TMEM45A: variants seen among roughly 807,000 people sequenced by gnomAD.
The protein encoded by TMEM45A is transmembrane protein 45A, also known as DNA polymerase-transactivated protein 4.
In TMEM45A, 25 loss-of-function variants were observed where a neutral mutation model predicts 32.0. The ratio of observed to expected loss-of-function variants is 0.78; its 90% CI spans 0.57 to 1.09. TMEM45A has a LOEUF of 1.09. Among genes scored for constraint, TMEM45A ranks in the 50% least tolerant of loss-of-function variants. The pLI is 0.00. For missense variants in TMEM45A, 302 were observed against 325.0 expected, an observed-to-expected ratio of 0.93 and a Z score of 0.54; for synonymous variants, 122 against 114.8, an observed-to-expected ratio of 1.06 and a Z score of -0.40.
chr3:100,565,991 T>A (rs1324049064), intron 4 of TMEM45A, among the ~76,000 whole-genome samples: 1 of 152,206 alleles, frequency 6.6e-6, no homozygotes, highest in African/African-American at 2.4e-5. Flanking sequence ...AATATTTGTC[T>A]AGTCTAGATA....
At chr3:100,538,223 C>T (rs1705781820) in intron 1 of TMEM45A, among the ~76,000 whole-genome samples, 1 of 152,160 alleles carries the variant, frequency 6.6e-6, no homozygotes, top group Non-Finnish European at 1.5e-5. Flanking sequence ...TATCATATCC[C>T]ATCTTTGCTC....
At chr3:100,522,483 T>G (rs1705454978) in intron 1 of TMEM45A, among the ~76,000 whole-genome samples, 1 of 152,196 alleles carries the variant, frequency 6.6e-6, no homozygotes, top group Non-Finnish European at 1.5e-5. Context: ...TTTGAGAGAC[T>G]TCAATCTCCT....
At chr3:100,537,521 A>G (rs112781333) in intron 1 of TMEM45A, among the ~76,000 whole-genome samples, 1 of 152,348 alleles carries the variant, frequency 6.6e-6, no homozygotes, top group African/African-American at 2.4e-5. Context: ...TTCCTTCCCA[A>G]GGTGGTCCCT....
At chr3:100,498,634 C>T (rs1437967045) in intron 1 of TMEM45A, among the ~76,000 whole-genome samples, 2 of 152,122 alleles carry the variant, frequency 1.3e-5, no homozygotes, top group Non-Finnish European at 2.9e-5. Context: ...ACCCGGGCCT[C>T]TAATTAATAC....
At chr3:100,536,347 C>G (rs1423656290) in intron 1 of TMEM45A, among the ~76,000 whole-genome samples, 1 of 152,164 alleles carries the variant, frequency 6.6e-6, no homozygotes, top group Non-Finnish European at 1.5e-5. Context: ...TATTTCCAAC[C>G]AGCTCCCACT....
chr3:100,543,393 A>G (rs1327691201), intron 1 of TMEM45A, among the ~76,000 whole-genome samples: 1 of 152,194 alleles, frequency 6.6e-6, no homozygotes, highest in Non-Finnish European at 1.5e-5. Flanking sequence ...ATTGTGTCAT[A>G]TGTGCATTTT....
chr3:100,572,350 G>C (rs1258915551), intron 5 of TMEM45A: 1 of 152,154 alleles, frequency 6.6e-6, no homozygotes, highest in Non-Finnish European at 1.5e-5. Flanking sequence ...CTGATGGCCA[G>C]TGATGGTGAG....
rs567239271 is a variant in TMEM45A at position 100,559,468 on chromosome 3, A to G, written c.588+879A>G. Among the ~76,000 whole-genome samples, 17 of 152,316 alleles carry G rather than the reference A, an allele frequency of 1.1e-4. 1 individual carries two copies. The South Asian group carries it at 3.5e-3, about 32-fold the overall frequency. On this transcript the variant is annotated intron_variant, in intron 4 of 5. Transcript: ENST00000323523. ...GAAAAGATGCAATATTTAAGCATGT[A>G]AGAAAGCGGAAAGGCTGTTGGAGCA...
chr3:100,540,554 A>G (rs996761738), intron 1 of TMEM45A, among the ~76,000 whole-genome samples: 3 of 152,214 alleles, frequency 2.0e-5, no homozygotes, highest in African/African-American at 7.2e-5. Context: ...GTTGATGAGA[A>G]TGCGGAGAAA....
At chr3:100,513,202 T>C (rs1708197184) in intron 1 of TMEM45A, among the ~76,000 whole-genome samples, 1 of 151,172 alleles carries the variant, frequency 6.6e-6, no homozygotes, top group African/African-American at 2.4e-5. Context: ...ATATCCTTGA[T>C]GAACATCGAT....
intron 1 of TMEM45A, among the ~76,000 whole-genome samples, chr3:100,510,919 G>C (rs938785798): frequency 1.3e-5 from 2 of 152,054 alleles, no homozygotes; most frequent in African/African-American, 4.8e-5. Flanking sequence ...GGGAAGTTTA[G>C]AGAAAAAAGA....
intron 1 of TMEM45A, among the ~76,000 whole-genome samples, chr3:100,506,688 G>A (rs1290961141): frequency 2.6e-5 from 4 of 152,214 alleles, no homozygotes; most frequent in Non-Finnish European, 4.4e-5. Context: ...ATTATGGTAA[G>A]GTAGATTCAG....
At chr3:100,566,240 G>A (rs1210904477) in intron 4 of TMEM45A, among the ~76,000 whole-genome samples, 1 of 152,100 alleles carries the variant, frequency 6.6e-6, no homozygotes, top group South Asian at 2.1e-4. Flanking sequence ...TCATGTACAA[G>A]TTTTGTTTGA....
At chr3:100,539,490 T>TATATGTATAC (rs1383500797) in intron 1 of TMEM45A, among the ~76,000 whole-genome samples, 2 of 72,406 alleles carry the variant, frequency 2.8e-5, no homozygotes, top group Non-Finnish European at 5.5e-5. Flanking sequence ...TATATGTATA[T>TATATGTATAC]GTATACGTAT....
At chr3:100,563,369 G>T (rs1706371030) in intron 4 of TMEM45A, among the ~76,000 whole-genome samples, 1 of 152,136 alleles carries the variant, frequency 6.6e-6, no homozygotes, top group Non-Finnish European at 1.5e-5. Flanking sequence ...CACATTCAGA[G>T]ATACTGGGAG....
At chr3:100,544,147 C>T (rs74410775) in intron 1 of TMEM45A, among the ~76,000 whole-genome samples, 3,135 of 151,308 alleles carry the variant, frequency 0.021, 119 homozygotes, top group African/African-American at 0.073. Flanking sequence ...AAGTTTGATT[C>T]CATCTCACAT....
chr3:100,519,058 C>A (rs1258848602), intron 1 of TMEM45A: 1 of 160,260 alleles, frequency 6.2e-6, no homozygotes, highest in Admixed American at 5.9e-5. Context: ...ATTTACATGT[C>A]TGATGACATT....
chr3:100,511,084 C>G (rs1320205874), intron 1 of TMEM45A, among the ~76,000 whole-genome samples: 1 of 152,092 alleles, frequency 6.6e-6, no homozygotes, highest in Non-Finnish European at 1.5e-5. Context: ...CCCAATCTAG[C>G]AAGGCAGGCC....
Position 100,545,188 on chromosome 3 carries a change from T to A in TMEM45A, c.-3-10021T>A, listed in dbSNP as rs540704938. The stretch of plus-strand genomic sequence containing the variant: ...CTTCATTGTTTTGCTTTTTGTATCT[T>A]GTTAAAAATTTTTTTCTTATCCCAA... On this transcript the variant is annotated intron_variant, in intron 1 of 5. Coordinates refer to ENST00000323523, the MANE Select transcript of TMEM45A (RefSeq NM_018004.3). Among the ~76,000 whole-genome samples, 12 of 152,322 alleles carry A rather than the reference T, an allele frequency of 7.9e-5. No individual in the cohort carries two copies. The South Asian group carries it at 2.1e-3, about 26-fold the overall frequency.
Sources: gnomAD v4.1 joint callset for allele counts (sites outside exome capture counted in the v4.1 genomes callset) on GRCh38, gnomAD v4.1.1 for gene constraint, MANE v1.5 for transcripts, NCBI Gene and HGNC (gene_info 2026-07-23, HGNC 2026-07-21) for gene names.